The following RWDD2A variants were observed in gnomAD, a reference collection of about 807,000 sequenced individuals.
RWDD2A encodes RWD domain containing 2A, also known as RWD domain-containing protein 2A.
In RWDD2A, 15 loss-of-function variants were observed where a neutral mutation model predicts 23.1. The ratio of observed to expected loss-of-function variants is 0.65; its 90% CI spans 0.43 to 1.00. The LOEUF (loss-of-function observed/expected upper bound fraction) is 1.00, where lower values mean the gene tolerates loss of function less well. Among genes scored for constraint, RWDD2A ranks in the 50% least tolerant of loss-of-function variants. RWDD2A has a pLI of 0.00. For synonymous variants in RWDD2A, 103 were observed against 123.0 expected (o/e 0.84, Z 1.08); for missense variants, 310 against 341.7 (o/e 0.91, Z 0.73).
rs1371702175 is a variant in RWDD2A at position 83,197,236 on chromosome 6, A to C, written c.*964A>C. The C allele has an allele frequency of 2.6e-5, 4 of 152,160 alleles. No homozygotes were observed. Among genetic ancestry groups the C allele is most frequent in the African/African-American group, 9.7e-5 (4 of 41,430 alleles). The allele number at this position is 152,160 out of a possible 1,614,324, so 9.4% of individuals were successfully genotyped here. The stretch of plus-strand genomic sequence containing the variant: ...ACAAAGTATTCGCCTGTTTCAATCC[A>C]ACCTTTGCCTGTGTGCCAGTATGCA... On this transcript the variant is annotated 3_prime_UTR_variant, in exon 3 of 3. Coordinates refer to ENST00000369724, the MANE Select transcript of RWDD2A (RefSeq NM_033411.5).
chr6:83,195,491 C>G, intron 2 of RWDD2A, 104 bp from the exon 3 acceptor site: 1 of 907,286 alleles, frequency 1.1e-6, no homozygotes, highest in Non-Finnish European at 1.7e-6. Flanking sequence ...GTACCTGGTA[C>G]ATTTAATAGT....
At position 83,195,751 on chromosome 6, in the gene RWDD2A, G is replaced by A. The variant is rs780756170; in HGVS notation, c.358G>A (p.Val120Ile). The A allele has an allele frequency of 3.1e-6, 5 of 1,614,036 alleles. No individual in the cohort carries two copies. The highest frequency in any genetic ancestry group is 2.2e-5 in the South Asian group (2 of 91,088). The change falls in exon 3 of 3, where the codon GTA becomes ATA. Residue 120 changes from valine to isoleucine, a missense_variant. Coordinates refer to ENST00000369724, the MANE Select transcript of RWDD2A (RefSeq NM_033411.5). ...IGTFDPGELCVCAAIQWLQDN... is the reference protein window; with the variant it reads ...IGTFDPGELCICAAIQWLQDN... ...GACTTTTGATCCAGGTGAGCTCTGT[G>A]TATGTGCAGCAATCCAGTGGCTACA...
chr6:83,198,795 A>G lies in RWDD2A; in HGVS notation c.*2523A>G, dbSNP rs1302090246. 1.3e-5 allele frequency: 2 copies of G among 152,208 alleles called. No individual in the cohort carries two copies. Among genetic ancestry groups the G allele is most frequent in the East Asian group, 3.8e-4 (2 of 5,198 alleles). 9.4% of individuals were successfully genotyped at this position (152,208 alleles called of 1,614,324 possible). On this transcript the variant is annotated 3_prime_UTR_variant, in exon 3 of 3. Transcript: ENST00000369724. ...CCTTTTGTTGTCGGAAATCAGAATC[A>G]GTCTCTATTGCTTGTAACTTAAGAA...
rs770532301 is a variant in RWDD2A at position 83,194,521 on chromosome 6, C to G, written c.70C>G (p.Pro24Ala). The change falls in exon 2 of 3, where the codon CCT (proline) becomes GCT (alanine). Residue 24 changes from proline to alanine, a missense_variant. Pro to Ala is a conservative substitution (Grantham distance 27). Transcript: ENST00000369724. ...GATGGAAATGCTGTTTTCTATGTTT[C>G]CTAACCAAGGAGAAGTAAAACTTGA... ...LEMEMLFSMF[P>A]NQGEVKLEDV... 35 of 1,613,880 alleles carry G rather than the reference C, an allele frequency of 2.2e-5. No homozygotes were observed. The highest frequency in any genetic ancestry group is 4.0e-5 in the African/African-American group (3 of 74,856).
At position 83,196,332 on chromosome 6, in the gene RWDD2A, C is replaced by A; in HGVS notation, c.*60C>A. On this transcript the variant is annotated 3_prime_UTR_variant, in exon 3 of 3. Transcript: ENST00000369724. The stretch of plus-strand genomic sequence containing the variant: ...TAAGTCAGTATTTCTGTTAATAAGA[C>A]CAAATTAAAAAGGCTAGTGGCTGTG... The A allele has an allele frequency of 7.2e-7, 1 of 1,395,692 alleles. No homozygotes were observed. Among genetic ancestry groups the A allele is most frequent in the Non-Finnish European group, 9.6e-7 (1 of 1,039,290 alleles). 86.5% of individuals were successfully genotyped at this position (1,395,692 alleles called of 1,614,324 possible).
At position 83,194,538 on chromosome 6, in the gene RWDD2A, A is replaced by G. The variant is rs139333090; in HGVS notation, c.87A>G (p.Val29=). 4.8e-5 allele frequency: 77 copies of G among 1,614,008 alleles called. No homozygotes were observed. Among genetic ancestry groups the G allele is most frequent in the Non-Finnish European group, 6.4e-5 (75 of 1,180,010 alleles). The change falls in exon 2 of 3, where the codon GTA becomes GTG. Residue 29 remains valine (V), a synonymous_variant. Coordinates refer to ENST00000369724, the MANE Select transcript of RWDD2A (RefSeq NM_033411.5). ...CTATGTTTCCTAACCAAGGAGAAGT[A>G]AAACTTGAAGATGTAAATGCCCTGA... ...LFSMFPNQGE[V]KLEDVNALTN... is the part of the protein sequence containing the mutation.
At position 83,195,965 on chromosome 6, in the gene RWDD2A, A is replaced by G; in HGVS notation, c.572A>G (p.Lys191Arg). The G allele has an allele frequency of 6.2e-7, 1 of 1,614,240 alleles. No individual in the cohort carries two copies. The highest frequency in any genetic ancestry group is 8.5e-7 in the Non-Finnish European group (1 of 1,180,048). ...LDVTGFCMTG[K>R]PGIICVEGFK... ...GTGACTGGATTTTGCATGACAGGAA[A>G]GCCTGGTATAATCTGTGTGGAGGGT... Residue 191 changes from lysine to arginine, a missense_variant, in exon 3 of 3, where the codon AAG becomes AGG. Lys to Arg is a conservative substitution (Grantham distance 26). Coordinates refer to ENST00000369724, the MANE Select transcript of RWDD2A (RefSeq NM_033411.5).
rs528061218 is a variant in RWDD2A at position 83,198,456 on chromosome 6, A to C, written c.*2184A>C. Reference sequence around the variant, plus strand: ...ACGTGTAGGTTTTATAGAAAAAAAAAGTACATGTATAATTCAAAACTCAAC... The same window carrying C: ...ACGTGTAGGTTTTATAGAAAAAAAACGTACATGTATAATTCAAAACTCAAC... On this transcript the variant is annotated 3_prime_UTR_variant, in exon 3 of 3. Transcript: ENST00000369724. 2 of 152,266 alleles carry C rather than the reference A, an allele frequency of 1.3e-5. No individual in the cohort carries two copies. Among genetic ancestry groups the C allele is most frequent in the African/African-American group, 4.8e-5 (2 of 41,544 alleles). 9.4% of individuals were successfully genotyped at this position (152,266 alleles called of 1,614,324 possible). A position where few individuals can be genotyped will look rare whatever the true frequency, so the allele number is the denominator to read the frequency against.
chr6:83,194,356 G>A lies in RWDD2A; in HGVS notation c.-96G>A, dbSNP rs1197923901. On this transcript the variant is annotated 5_prime_UTR_variant, in exon 2 of 3. Coordinates refer to ENST00000369724, the MANE Select transcript of RWDD2A (RefSeq NM_033411.5). ...CTGCAGAATTGCTTCCACGTAAAGG[G>A]ACCTTCGGGAAATTTCGCTGGATAC... 13 of 1,082,982 alleles carry A rather than the reference G, an allele frequency of 1.2e-5. No homozygotes were observed. In the East Asian group the frequency reaches 2.2e-4, roughly 18 times the overall value. The allele number at this position is 1,082,982 out of a possible 1,614,324, so 67.1% of individuals were successfully genotyped here.
rs1215322682 is a variant in RWDD2A, at chr6:83,195,926, G to C, written c.533G>C (p.Gly178Ala). Residue 178 changes from glycine to alanine, a missense_variant, in exon 3 of 3, where the codon GGG (glycine) becomes GCG (alanine). By Grantham distance (60) the Gly-to-Ala change is moderately conservative. Transcript: ENST00000369724. ...QDLRKKILDV[G>A]KRLDVTGFCM... ...CTAAGGAAAAAGATTTTGGATGTTG[G>C]GAAAAGGTTAGATGTGACTGGATTT... 1 of 1,614,170 alleles carries C rather than the reference G, an allele frequency of 6.2e-7. No homozygotes were observed. The highest frequency in any genetic ancestry group is 8.5e-7 in the Non-Finnish European group (1 of 1,180,024).
chr6:83,193,463 C>T lies in RWDD2A; in HGVS notation c.-141+20C>T, dbSNP rs1789349399. The T allele has an allele frequency of 6.6e-6, 1 of 152,194 alleles. No individual in the cohort carries two copies. The allele number at this position is 152,194 out of a possible 1,614,324, so 9.4% of individuals were successfully genotyped here. ...GAAAGGGTGAGGCCCCCGCGGTGGC[C>T]CGGGGGTTGGGGCCGAGGGTCGCGG... On this transcript the variant is annotated intron_variant, in intron 1 of 2. Coordinates refer to ENST00000369724, the MANE Select transcript of RWDD2A (RefSeq NM_033411.5).
intron 2 of RWDD2A, among the ~76,000 whole-genome samples, chr6:83,194,864 T>C (rs1789496791): frequency 6.6e-6 from 1 of 152,278 alleles, no homozygotes; most frequent in Non-Finnish European, 1.5e-5. Flanking sequence ...GGAGTTTTTA[T>C]TGACGCTATC....
In RWDD2A at chr6:83,195,580, G is replaced by A; in HGVS notation, c.202-15G>A. ...GATGTTATGGTATTTAAATCTATTTGATTTTCATTTTAAGGTGAAAATTGA... is the reference window on the plus strand; with the variant it reads ...GATGTTATGGTATTTAAATCTATTTAATTTTCATTTTAAGGTGAAAATTGA... On this transcript the variant is annotated splice_polypyrimidine_tract_variant and intron_variant, in intron 2 of 2. Coordinates refer to ENST00000369724, the MANE Select transcript of RWDD2A (RefSeq NM_033411.5). 6.3e-7 allele frequency: 1 copy of A among 1,596,950 alleles called. No homozygotes were observed. Among genetic ancestry groups the A allele is most frequent in the Non-Finnish European group, 8.6e-7 (1 of 1,166,316 alleles).
rs1789630134 is a variant in RWDD2A at position 83,197,438 on chromosome 6, T to A, written c.*1166T>A. Reference sequence around the variant, plus strand: ...TCAAAATGAGAGTTTATTTTAATGATTAAAAACCGCTATTTAAGTAGCTCT... The same window carrying A: ...TCAAAATGAGAGTTTATTTTAATGAATAAAAACCGCTATTTAAGTAGCTCT... On this transcript the variant is annotated 3_prime_UTR_variant, in exon 3 of 3. Transcript: ENST00000369724. The A allele has an allele frequency of 6.6e-6, 1 of 152,256 alleles. No homozygotes were observed. The highest frequency in any genetic ancestry group is 2.4e-5 in the African/African-American group (1 of 41,468). The allele number at this position is 152,256 out of a possible 1,614,324, so 9.4% of individuals were successfully genotyped here. A position where few individuals can be genotyped will look rare whatever the true frequency, so the allele number is the denominator to read the frequency against.
chr6:83,198,015 A>G lies in RWDD2A; in HGVS notation c.*1743A>G, dbSNP rs147930554. On this transcript the variant is annotated 3_prime_UTR_variant, in exon 3 of 3. Transcript: ENST00000369724. ...GGCTGGAGCCTGACACTTTGCCTAT[A>G]TGCAAAGGGAAGAAATAGGACTTAC... is the stretch of plus-strand genomic sequence containing the variant. The G allele has an allele frequency of 6.6e-6, 1 of 152,308 alleles. No individual in the cohort carries two copies. The highest frequency in any genetic ancestry group is 1.5e-5 in the Non-Finnish European group (1 of 68,030). 9.4% of individuals were successfully genotyped at this position (152,308 alleles called of 1,614,324 possible). A position where few individuals can be genotyped will look rare whatever the true frequency, so the allele number is the denominator to read the frequency against.
chr6:83,195,255 C>G (rs1020839105), intron 2 of RWDD2A, among the ~76,000 whole-genome samples: 5 of 152,202 alleles, frequency 3.3e-5, no homozygotes, highest in African/African-American at 1.2e-4. Flanking sequence ...TTCAATGGAA[C>G]CCTCCACTTT....
rs746833492 is a variant in RWDD2A, at chr6:83,197,253, C to CA, written c.*982dup. ...TTCAATCCAACCTTTGCCTGTGTGC[C>CA]AGTATGCATTACTATAAAGGGCAAG... On this transcript the variant is annotated 3_prime_UTR_variant, in exon 3 of 3. Coordinates refer to ENST00000369724, the MANE Select transcript of RWDD2A (RefSeq NM_033411.5). 1.3e-4 allele frequency: 20 copies of CA among 152,108 alleles called. No individual in the cohort carries two copies. The highest frequency in any genetic ancestry group is 2.8e-4 in the Non-Finnish European group (19 of 68,044). The allele number at this position is 152,108 out of a possible 1,614,324, so 9.4% of individuals were successfully genotyped here.
Position 83,196,339 on chromosome 6 carries a change from A to G in RWDD2A, c.*67A>G. On this transcript the variant is annotated 3_prime_UTR_variant, in exon 3 of 3. Coordinates refer to ENST00000369724, the MANE Select transcript of RWDD2A (RefSeq NM_033411.5). ...GTATTTCTGTTAATAAGACCAAATT[A>G]AAAAGGCTAGTGGCTGTGTAGCATC... 7.4e-7 allele frequency: 1 copy of G among 1,357,828 alleles called. No individual in the cohort carries two copies. Among genetic ancestry groups the G allele is most frequent in the Non-Finnish European group, 9.9e-7 (1 of 1,006,546 alleles). The allele number at this position is 1,357,828 out of a possible 1,614,324, so 84.1% of individuals were successfully genotyped here.
Position 83,194,717 on chromosome 6 carries a change from GCTTT to G in RWDD2A, c.201+68_201+71del. ...TTTAATTGAAACATCTAGAACATGA[GCTTT>G]CTGTCAAGGAAAGATAGAAATATTC... On this transcript the variant is annotated intron_variant, in intron 2 of 2. Transcript: ENST00000369724. The G allele has an allele frequency of 5.1e-6, 6 of 1,174,016 alleles. No homozygotes were observed. The South Asian group carries it at 8.1e-5, about 16-fold the overall frequency. The allele number at this position is 1,174,016 out of a possible 1,614,324, so 72.7% of individuals were successfully genotyped here.
Sources: allele counts gnomAD v4.1 joint callset (sites outside exome capture counted in the v4.1 genomes callset), GRCh38; gene constraint gnomAD v4.1.1; transcripts MANE v1.5; gene names NCBI Gene and HGNC (gene_info 2026-07-23, HGNC 2026-07-21).